Variants in DCK observed in about 807,000 individuals in gnomAD.
DCK encodes the protein deoxyadenosine kinase.
In DCK, 23 loss-of-function variants were observed where a neutral mutation model predicts 38.3. The ratio of observed to expected loss-of-function variants is 0.60; its 90% CI spans 0.43 to 0.85. The LOEUF is 0.85. DCK is among the 40% of genes least tolerant of loss of function. DCK has a pLI of 0.00. For missense variants in DCK, 259 were observed against 304.4 expected, an observed-to-expected ratio of 0.85 and a Z score of 1.11; for synonymous variants, 108 against 100.6, an observed-to-expected ratio of 1.07 and a Z score of -0.44.
Position 71,022,548 on chromosome 4 carries a change from T to G in DCK, c.389T>G (p.Val130Gly). 1 of 1,562,964 alleles carries G rather than the reference T, an allele frequency of 6.4e-7. No homozygotes were observed. Among genetic ancestry groups the G allele is most frequent in the Non-Finnish European group, 8.6e-7 (1 of 1,158,852 alleles). ...CCTGTATTATTTTTTGAACGATCTG[T>G]GTATAGTGACAGGTATGTATAAATG... ...EKPVLFFERS[V>G]YSDRYIFASN... The change falls in exon 3 of 7, where the codon GTG becomes GGG. Residue 130 changes from valine to glycine, a missense_variant. Around this residue, in one of 3 missense-constraint regions of DCK, gnomAD observed 159 missense variants for 159.0 expected, o/e 1.00. Coordinates refer to ENST00000286648, the MANE Select transcript of DCK (RefSeq NM_000788.3).
At chr4:71,004,376 TTA>T (rs1207458068) in intron 2 of DCK, among the ~76,000 whole-genome samples, 1 of 152,186 alleles carries the variant, frequency 6.6e-6, no homozygotes, top group Non-Finnish European at 1.5e-5. Flanking sequence ...CAGAGCTCTC[TTA>T]TATGAGGTGT....
intron 4 of DCK, among the ~76,000 whole-genome samples, chr4:71,024,077 G>C (rs536306807): frequency 1.3e-5 from 2 of 152,252 alleles, no homozygotes; most frequent in Non-Finnish European, 2.9e-5. Context: ...GATTACTATT[G>C]AATTTCCATT....
intron 2 of DCK, among the ~76,000 whole-genome samples, chr4:71,017,832 G>T (rs1045571051): frequency 4.0e-5 from 6 of 151,540 alleles, no homozygotes; most frequent in African/African-American, 1.5e-4. Flanking sequence ...TAATGTAAAT[G>T]GCGAGTTAAT....
intron 4 of DCK, among the ~76,000 whole-genome samples, chr4:71,024,246 G>T (rs1390068498): frequency 6.6e-6 from 1 of 152,068 alleles, no homozygotes; most frequent in Non-Finnish European, 1.5e-5. Flanking sequence ...GCTATCGTTG[G>T]GAAAAGACTT....
At position 71,026,686 on chromosome 4, in the gene DCK, A is replaced by G. The variant is rs1165369671; in HGVS notation, c.687A>G (p.Gln229=). The G allele has an allele frequency of 2.6e-6, 4 of 1,558,844 alleles. No homozygotes were observed. Among genetic ancestry groups the G allele is most frequent in the African/African-American group, 2.7e-5 (2 of 73,278 alleles). ...RTLKTNFDYL[Q]EVPILTLDVN... is the part of the protein sequence containing the mutation. ...ACAGAACCAACTTCGATTATCTTCA[A>G]GAGGTGCCTATCTTAACACTGGATG... Residue 229 remains glutamine (Q), a synonymous_variant, in exon 6 of 7, where the codon CAA becomes CAG. Transcript: ENST00000286648.
chr4:71,008,246 C>A (rs531486339), intron 2 of DCK, among the ~76,000 whole-genome samples: 1 of 152,216 alleles, frequency 6.6e-6, no homozygotes, highest in Admixed American at 6.5e-5. Context: ...TCTCTCCCCC[C>A]AGTGTAATCA....
chr4:71,016,247 A>G (rs1740258163), intron 2 of DCK, among the ~76,000 whole-genome samples: 1 of 152,238 alleles, frequency 6.6e-6, no homozygotes, highest in Non-Finnish European at 1.5e-5. Flanking sequence ...GACCTCTTCA[A>G]GGAGAACTAC....
At chr4:71,010,307 G>T (rs771027752) in intron 2 of DCK, among the ~76,000 whole-genome samples, 1 of 151,758 alleles carries the variant, frequency 6.6e-6, no homozygotes, top group Non-Finnish European at 1.5e-5. Flanking sequence ...CTCTCTTGGT[G>T]AGAATGATCT....
At chr4:70,998,593 C>T (rs1024094803) in intron 2 of DCK, among the ~76,000 whole-genome samples, 73 of 152,062 alleles carry the variant, frequency 4.8e-4, no homozygotes, top group Non-Finnish European at 9.1e-4. Context: ...AACCTGGAAT[C>T]AATTCTTGAG....
At chr4:71,020,163 T>G (rs938416472) in intron 2 of DCK, among the ~76,000 whole-genome samples, 23 of 152,248 alleles carry the variant, frequency 1.5e-4, no homozygotes, top group African/African-American at 5.5e-4. Flanking sequence ...ACAGGGTCAT[T>G]TGTTCTACAT....
intron 3 of DCK, 90 bp from the exon 4 acceptor site, chr4:71,023,469 A>G: frequency 1.2e-6 from 1 of 858,112 alleles, no homozygotes; most frequent in Non-Finnish European, 1.8e-6. Flanking sequence ...CACTGGATTT[A>G]GGAGAATGTT....
Position 71,026,148 on chromosome 4 carries a change from T to G in DCK, c.665+217T>G, listed in dbSNP as rs891868484. On this transcript the variant is annotated intron_variant, in intron 5 of 6. Coordinates refer to ENST00000286648, the MANE Select transcript of DCK (RefSeq NM_000788.3). ...TATAACTAGTATCCCTTGGTGGTAT[T>G]GATAGCGTAATATGTGAAATTTCAC... 9.9e-5 allele frequency among the ~76,000 whole-genome samples: 15 copies of G among 152,080 alleles called. No individual in the cohort carries two copies. The highest frequency in any genetic ancestry group is 5.9e-5 in the Non-Finnish European group (4 of 67,954).
intron 2 of DCK, among the ~76,000 whole-genome samples, chr4:71,009,372 G>A (rs2148914869): frequency 6.6e-6 from 1 of 152,312 alleles, no homozygotes; most frequent in African/African-American, 2.4e-5. Context: ...TAATAAGGTT[G>A]TCTGTTGAGC....
chr4:71,001,120 TG>T (rs1163211447), intron 2 of DCK, among the ~76,000 whole-genome samples: 2 of 152,176 alleles, frequency 1.3e-5, no homozygotes, highest in Non-Finnish European at 2.9e-5. Context: ...GTATCGGCTG[TG>T]GGTTTGTCAT....
At chr4:71,024,616 TG>T (rs146955204) in intron 4 of DCK, among the ~76,000 whole-genome samples, 48 of 152,224 alleles carry the variant, frequency 3.2e-4, no homozygotes, top group African/African-American at 1.2e-3. Context: ...CGGATGATTT[TG>T]TTCTTCATTA....
At chr4:71,025,540 AT>A (rs1303411351) in intron 4 of DCK, among the ~76,000 whole-genome samples, 12 of 152,006 alleles carry the variant, frequency 7.9e-5, no homozygotes, top group African/African-American at 2.9e-4. Context: ...TAGATGTTTA[AT>A]TTTTTTCTCC....
intron 2 of DCK, among the ~76,000 whole-genome samples, chr4:71,008,933 AG>A (rs1740020750): frequency 6.6e-6 from 1 of 152,234 alleles, no homozygotes; most frequent in Non-Finnish European, 1.5e-5. Flanking sequence ...ACATGGAGAT[AG>A]AGTGTGGAAA....
Position 71,025,713 on chromosome 4 carries a change from G to A in DCK, c.550-103G>A, listed in dbSNP as rs906008333. On this transcript the variant is annotated intron_variant, in intron 4 of 6. Coordinates refer to ENST00000286648, the MANE Select transcript of DCK (RefSeq NM_000788.3). Reference sequence around the variant, plus strand: ...TTAAGAAGTAATAAGTAGAGATTTTGGCTAGCGTGAGTAGAGAGACACAGA... The same window carrying A: ...TTAAGAAGTAATAAGTAGAGATTTTAGCTAGCGTGAGTAGAGAGACACAGA... 1.5e-5 allele frequency: 20 copies of A among 1,367,006 alleles called. 1 individual carries two copies. The East Asian group carries it at 4.6e-4, about 31-fold the overall frequency. 84.7% of individuals were successfully genotyped at this position (1,367,006 alleles called of 1,614,324 possible).
rs1739592605 is a variant in DCK, at chr4:70,993,750, G to C, written c.-86G>C. 6.7e-6 allele frequency: 6 copies of C among 898,862 alleles called. No individual in the cohort carries two copies. Among genetic ancestry groups the C allele is most frequent in the Non-Finnish European group, 1.0e-5 (6 of 572,902 alleles). The allele number at this position is 898,862 out of a possible 1,614,324, so 55.7% of individuals were successfully genotyped here. The stretch of plus-strand genomic sequence containing the variant: ...CCGGCAGGTCAGGATCTGGCTTAGC[G>C]GCGCCGCGAGCTCCAGTGCGCGCAC... On this transcript the variant is annotated 5_prime_UTR_variant, in exon 1 of 7. Transcript: ENST00000286648.
Sources: gnomAD v4.1 joint callset for allele counts (sites outside exome capture counted in the v4.1 genomes callset) on GRCh38, gnomAD v4.1.1 for gene constraint, gnomAD v4.1.1 regional missense constraint, MANE v1.5 for transcripts, NCBI Gene and HGNC (gene_info 2026-07-23, HGNC 2026-07-21) for gene names.